The following MAST1 variants were observed in gnomAD, a reference collection of about 807,000 sequenced individuals.
MAST1 encodes microtubule-associated serine/threonine-protein kinase 1.
In MAST1, 40 loss-of-function variants were observed where a neutral mutation model predicts 124.6. The observed-to-expected ratio is 0.32, with a 90% CI of 0.25 to 0.42. MAST1 has a LOEUF of 0.42. MAST1 is among the 10% of genes least tolerant of loss of function. MAST1 has a pLI of 1.00. For missense variants in MAST1, 1,558 were observed against 2,181.9 expected, an observed-to-expected ratio of 0.71 and a Z score of 5.70; for synonymous variants, 938 against 939.4, an observed-to-expected ratio of 1.00 and a Z score of 0.03.
intron 7 of MAST1, among the ~76,000 whole-genome samples, chr19:12,851,534 T>C (rs1014319389): frequency 3.9e-5 from 6 of 152,040 alleles, no homozygotes; most frequent in Non-Finnish European, 7.4e-5. Context: ...TCACCCAGGC[T>C]GGAGTGCAGT....
intron 10 of MAST1, among the ~76,000 whole-genome samples, chr19:12,857,379 G>A (rs1970028499): frequency 6.6e-6 from 1 of 151,926 alleles, no homozygotes; most frequent in African/African-American, 2.4e-5. Context: ...AAAGTGCTGG[G>A]GTTACAAGCG....
intron 12 of MAST1, among the ~76,000 whole-genome samples, chr19:12,863,924 CTTT>C (rs3064382): frequency 1.5e-5 from 2 of 132,004 alleles, no homozygotes; most frequent in Admixed American, 7.9e-5. Flanking sequence ...CTACAAAAAA[CTTT>C]TTTTTTTTTT....
rs1219620265 is a variant in MAST1, at chr19:12,843,007, A to G, written c.249-522A>G. On this transcript the variant is annotated intron_variant, in intron 3 of 25. Transcript: ENST00000251472. The surrounding 1 kb of genome is among the most constrained non-coding windows in gnomAD (Gnocchi z 4.9). ...GTGTGTCTTCGTGTGTGTGAAGTGT[A>G]AATGTGTGCACTGCCAGTATGTGAG... 2.6e-5 allele frequency among the ~76,000 whole-genome samples: 4 copies of G among 152,100 alleles called. No homozygotes were observed. Among genetic ancestry groups the G allele is most frequent in the African/African-American group, 9.7e-5 (4 of 41,406 alleles).
chr19:12,865,275 CCCT>C lies in MAST1; in HGVS notation c.1639-36_1639-34del, dbSNP rs749949242. The C allele has an allele frequency of 8.9e-6, 14 of 1,579,316 alleles. No homozygotes were observed. The South Asian group carries it at 1.6e-4, about 19-fold the overall frequency. On this transcript the variant is annotated intron_variant, in intron 14 of 25. Coordinates refer to ENST00000251472, the MANE Select transcript of MAST1 (RefSeq NM_014975.3). This position sits in a 1 kb window ranked among gnomAD's most constrained non-coding sequence, Gnocchi z 7.1. ...GGGGGGCACAGCTCTCCCTTGAGGG[CCCT>C]CCTCTGGCTGGGGCGTGGGCTGACA...
intron 2 of MAST1, 71 bp downstream of exon 2, chr19:12,840,605 G>C: frequency 8.7e-7 from 1 of 1,149,380 alleles, no homozygotes; most frequent in Admixed American, 2.0e-5. Context: ...GCGAGGAAGC[G>C]TGGTCATGCT....
rs201661376 is a variant in MAST1, at chr19:12,847,485, A to G, written c.488+35A>G. 2,333 of 1,612,770 alleles carry G rather than the reference A, an allele frequency of 1.4e-3. 9 individuals carry two copies. The highest frequency in any genetic ancestry group is 9.3e-3 in the Middle Eastern group (56 of 6,046). ...CATCCCTCCTCCTTCGTACCAAGCT[A>G]GTGGTCTTAGGACTTGTGCTTAGAG... On this transcript the variant is annotated intron_variant, in intron 5 of 25. Coordinates refer to ENST00000251472, the MANE Select transcript of MAST1 (RefSeq NM_014975.3). This position sits in a 1 kb window ranked among gnomAD's most constrained non-coding sequence, Gnocchi z 5.5.
At chr19:12,840,593 A>G in intron 2 of MAST1, 59 bp downstream of exon 2, 1 of 1,262,222 alleles carries the variant, frequency 7.9e-7, no homozygotes, top group Non-Finnish European at 1.1e-6. Context: ...GCGGGGCCTC[A>G]GGCGAGGAAG....
Position 12,867,633 on chromosome 19 carries a change from A to C in MAST1, c.2299A>C (p.Arg767=). Residue 767 remains arginine (R), a synonymous_variant, in exon 19 of 26, where the codon AGA becomes CGA. Transcript: ENST00000251472. Reference sequence around the variant, plus strand: ...CCTGACCCTGCGTGAGAAGACCTGGAGAGGGGGCTCTCCGGAGATGTGAGC... The same window carrying C: ...CCTGACCCTGCGTGAGAAGACCTGGCGAGGGGGCTCTCCGGAGATGTGAGC... ...GGLTLREKTW[R]GGSPEIKRFS... The C allele has an allele frequency of 6.2e-7, 1 of 1,604,650 alleles. No homozygotes were observed. The highest frequency in any genetic ancestry group is 8.5e-7 in the Non-Finnish European group (1 of 1,175,864).
Position 12,838,660 on chromosome 19 carries a change from A to AC in MAST1, c.83+10dup. On this transcript the variant is annotated splice_donor_region_variant and intron_variant, in intron 1 of 25. Transcript: ENST00000251472. The surrounding 1 kb of genome is among the most constrained non-coding windows in gnomAD (Gnocchi z 4.3). Reference sequence around the variant, plus strand: ...TATGTTCCGCCGCACCAAGAGGTAGACCCCCGATCCCCTAGACATTGTCCC... The same window carrying AC: ...TATGTTCCGCCGCACCAAGAGGTAGACCCCCCGATCCCCTAGACATTGTCCC... 3 of 1,606,592 alleles carry AC rather than the reference A, an allele frequency of 1.9e-6. No homozygotes were observed. Among genetic ancestry groups the AC allele is most frequent in the South Asian group, 1.1e-5 (1 of 90,298 alleles).
chr19:12,873,571 G>T, intron 25 of MAST1, 38 bp from the exon 26 acceptor site: 1 of 1,580,288 alleles, frequency 6.3e-7, no homozygotes, highest in South Asian at 1.1e-5. Flanking sequence ...GCTGGTGCTT[G>T]GGCTGTACTC....
chr19:12,852,302 C>T (rs1450637969), intron 9 of MAST1, 26 bp from the exon 10 acceptor site: 12 of 1,614,016 alleles, frequency 7.4e-6, no homozygotes, highest in Admixed American at 1.7e-5. Flanking sequence ...GAACCCAGCT[C>T]GTGCTCACTC....
Position 12,868,746 on chromosome 19 carries a change from G to A in MAST1, c.2670G>A (p.Gln890=), listed in dbSNP as rs1970195536. The change falls in exon 21 of 26, where the codon CAG becomes CAA. Residue 890 remains glutamine, a synonymous_variant. Transcript: ENST00000251472. The part of the protein sequence containing the change: ...NDLVLRRARH[Q]QMSGDVAVEK... ...TGGTTCTGCGCCGGGCGCGGCACCAGCAGATGTCAGGGGATGTGGCAGTAG... is the reference window on the plus strand; with the variant it reads ...TGGTTCTGCGCCGGGCGCGGCACCAACAGATGTCAGGGGATGTGGCAGTAG... The A allele has an allele frequency of 1.2e-6, 2 of 1,613,076 alleles. No homozygotes were observed. The highest frequency in any genetic ancestry group is 1.7e-6 in the Non-Finnish European group (2 of 1,179,414).
chr19:12,862,091 G>T (rs950806513), intron 12 of MAST1, among the ~76,000 whole-genome samples: 3 of 148,274 alleles, frequency 2.0e-5, no homozygotes, highest in South Asian at 2.1e-4. Flanking sequence ...TGCAGCCTCC[G>T]TCTCCAAGGT....
At chr19:12,852,289 C>T in intron 9 of MAST1, 39 bp from the exon 10 acceptor site, 1 of 1,614,076 alleles carries the variant, frequency 6.2e-7, no homozygotes, top group Non-Finnish European at 8.5e-7. Context: ...GTGAGCAGGC[C>T]CAGAACCCAG....
chr19:12,858,959 C>A, intron 12 of MAST1: 1 of 607,466 alleles, frequency 1.6e-6, no homozygotes, highest in Non-Finnish European at 2.9e-6. Context: ...AGCATAAAAA[C>A]ATTCAGTCTG....
intron 24 of MAST1, among the ~76,000 whole-genome samples, chr19:12,871,818 A>G (rs1970238033): frequency 6.7e-6 from 1 of 150,334 alleles, no homozygotes; most frequent in South Asian, 2.1e-4. Context: ...TCGGAGGCTG[A>G]AGTGGGAGGA....
Position 12,873,839 on chromosome 19 carries a change from A to C in MAST1, c.3682A>C (p.Ser1228Arg). 1 of 1,590,140 alleles carries C rather than the reference A, an allele frequency of 6.3e-7. No individual in the cohort carries two copies. The highest frequency in any genetic ancestry group is 8.5e-7 in the Non-Finnish European group (1 of 1,175,400). Residue 1228 changes from serine (S) to arginine (R), a missense_variant, in exon 26 of 26, where the codon AGC becomes CGC. By Grantham distance (110) the Ser-to-Arg change is moderately radical. Around this residue, in one of 10 missense-constraint regions of MAST1, gnomAD observed 291 missense variants for 475.8 expected, o/e 0.61. Transcript: ENST00000251472. Reference sequence around the variant, plus strand: ...GCCACTGCCGGGCCACACGGTGGGCAGCTCGCACACTACTCAGAGCTTCCC... The same window carrying C: ...GCCACTGCCGGGCCACACGGTGGGCCGCTCGCACACTACTCAGAGCTTCCC... ...PPPLPGHTVGSSHTTQSFPAK... is the reference protein window; with the variant it reads ...PPPLPGHTVGRSHTTQSFPAK...
Position 12,866,250 on chromosome 19 carries a change from C to CA in MAST1, c.2029+150dup. The CA allele has an allele frequency of 7.9e-6, 2 of 254,374 alleles. No homozygotes were observed. The highest frequency in any genetic ancestry group is 6.8e-6 in the Non-Finnish European group (1 of 147,934). 15.8% of individuals were successfully genotyped at this position (254,374 alleles called of 1,614,324 possible). On this transcript the variant is annotated intron_variant, in intron 17 of 25. Transcript: ENST00000251472. The surrounding 1 kb of genome is among the most constrained non-coding windows in gnomAD (Gnocchi z 5.2). ...GGTGGTATTTTGGTGGGGGCGGGGC[C>CA]AAGTGGGGCGGGGCTGACATACAGG...
At chr19:12,854,851 C>T (rs1357437037) in intron 10 of MAST1, among the ~76,000 whole-genome samples, 1 of 152,164 alleles carries the variant, frequency 6.6e-6, no homozygotes, top group Non-Finnish European at 1.5e-5. Context: ...CCAGGCCAGC[C>T]ACACTTTGGC....
Sources: allele counts gnomAD v4.1 joint callset (sites outside exome capture counted in the v4.1 genomes callset), GRCh38; gene constraint gnomAD v4.1.1; regional missense constraint gnomAD v4.1.1; non-coding constraint Gnocchi (gnomAD v3.1); transcripts MANE v1.5; gene names NCBI Gene and HGNC (gene_info 2026-07-23, HGNC 2026-07-21).